Variants in LRP1B observed in about 807,000 individuals in gnomAD.
The protein encoded by LRP1B is LDL receptor related protein 1B.
LRP1B carries 217 observed loss-of-function variants against 556.6 expected under a neutral mutation model. The ratio of observed to expected loss-of-function variants is 0.39; its 90% CI spans 0.35 to 0.44. The LOEUF is 0.44. Ranked by LOEUF, LRP1B falls within the 20% of genes least tolerant of loss-of-function variation. LRP1B has a pLI of 1.00. For synonymous variants in LRP1B, 2,047 were observed against 1,865.8 expected (o/e 1.10, Z -2.50); for missense variants, 5,053 against 5,620.8 (o/e 0.90, Z 3.23).
At chr2:141,851,441 A>G (rs991098585) in intron 1 of LRP1B, among the ~76,000 whole-genome samples, 1 of 151,866 alleles carries the variant, frequency 6.6e-6, no homozygotes, top group African/African-American at 2.4e-5. Context: ...GTACTCAGGA[A>G]TATTTTTATT....
chr2:140,949,765 C>A lies in LRP1B; in HGVS notation c.3136+470G>T, dbSNP rs181505585. ...ACCATCCTGGCTAACATGGTGAAAC[C>A]CCGTCCCTACTAAAAATACAAAAAA... On this transcript the variant is annotated intron_variant, in intron 20 of 90. Coordinates refer to ENST00000389484, the MANE Select transcript of LRP1B (RefSeq NM_018557.3). 5.3e-3 allele frequency among the ~76,000 whole-genome samples: 800 copies of A among 150,978 alleles called. 8 individuals are homozygous for A. The highest frequency in any genetic ancestry group is 0.018 in the African/African-American group (753 of 41,304).
rs1353454981 is a variant in LRP1B at position 140,234,946 on chromosome 2, AC to A, written c.13561-63del. On this transcript the variant is annotated intron_variant, in intron 89 of 90. Coordinates refer to ENST00000389484, the MANE Select transcript of LRP1B (RefSeq NM_018557.3). Reference sequence around the variant, plus strand: ...TATTATAGAATCACTTTTCATCGATACATATCATGTTAATTCATAAAAATAA... The same window carrying A: ...TATTATAGAATCACTTTTCATCGATAATATCATGTTAATTCATAAAAATAA... 5.6e-6 allele frequency: 4 copies of A among 715,634 alleles called. No individual in the cohort carries two copies. In the African/African-American group the frequency reaches 7.1e-5, roughly 13 times the overall value. 44.3% of individuals were successfully genotyped at this position (715,634 alleles called of 1,614,324 possible).
intron 3 of LRP1B, among the ~76,000 whole-genome samples, chr2:141,377,052 GC>G (rs766463279): frequency 2.0e-5 from 3 of 152,080 alleles, no homozygotes; most frequent in Non-Finnish European, 4.4e-5. Context: ...AAAAAGGAAG[GC>G]GGGTGTTTCT....
intron 1 of LRP1B, among the ~76,000 whole-genome samples, chr2:142,096,850 G>A (rs1706389586): frequency 6.6e-6 from 1 of 151,440 alleles, no homozygotes; most frequent in Non-Finnish European, 1.5e-5. Context: ...GTACCTAATA[G>A]TTTTTTAACC....
intron 1 of LRP1B, among the ~76,000 whole-genome samples, chr2:142,022,300 A>G (rs1029455764): frequency 6.6e-6 from 1 of 152,094 alleles, no homozygotes; most frequent in Non-Finnish European, 1.5e-5. Context: ...CAACAGTGAA[A>G]TACTGTTTAA....
intron 2 of LRP1B, among the ~76,000 whole-genome samples, chr2:141,606,144 T>C (rs1687911274): frequency 6.6e-6 from 1 of 152,178 alleles, no homozygotes; most frequent in Non-Finnish European, 1.5e-5. Flanking sequence ...GAAATAAAAT[T>C]GGCCACATTA....
intron 81 of LRP1B, 50 bp downstream of exon 81, chr2:140,323,843 C>G (rs1906185): frequency 1.1e-6 from 1 of 920,428 alleles, no homozygotes; most frequent in South Asian, 2.1e-5. Flanking sequence ...TTGAGAGATA[C>G]AAGAAAATAA....
chr2:140,974,817 A>G (rs1696543335), intron 18 of LRP1B, among the ~76,000 whole-genome samples: 2 of 152,198 alleles, frequency 1.3e-5, no homozygotes. Flanking sequence ...GCACAAGTCA[A>G]CCTTCTGGAG....
At chr2:141,658,477 C>T (rs1040076622) in intron 2 of LRP1B, among the ~76,000 whole-genome samples, 1 of 152,168 alleles carries the variant, frequency 6.6e-6, no homozygotes, top group Non-Finnish European at 1.5e-5. Flanking sequence ...CCCTAAAAGG[C>T]AGCCCAGGTC....
chr2:141,533,477 A>G (rs1029066054), intron 2 of LRP1B, among the ~76,000 whole-genome samples: 3 of 152,208 alleles, frequency 2.0e-5, no homozygotes, highest in Non-Finnish European at 4.4e-5. Flanking sequence ...AGGTAAGTAT[A>G]CATTTATACA....
chr2:140,302,312 G>A (rs2105009822), intron 83 of LRP1B, among the ~76,000 whole-genome samples: 1 of 152,062 alleles, frequency 6.6e-6, no homozygotes, highest in Middle Eastern at 3.4e-3. Flanking sequence ...TTTACTCCTT[G>A]TATGTTTCCA....
At chr2:142,081,826 G>A (rs943461379) in intron 1 of LRP1B, among the ~76,000 whole-genome samples, 4 of 152,038 alleles carry the variant, frequency 2.6e-5, no homozygotes, top group African/African-American at 9.7e-5. Flanking sequence ...TGTAAGCATG[G>A]GGTTTTTGAA....
chr2:141,264,527 C>T (rs1006221558), intron 3 of LRP1B, among the ~76,000 whole-genome samples: 5 of 152,096 alleles, frequency 3.3e-5, no homozygotes, highest in African/African-American at 1.2e-4. Flanking sequence ...ACCATCTCCC[C>T]TCACTGCAAC....
intron 31 of LRP1B, among the ~76,000 whole-genome samples, chr2:140,837,778 C>A (rs1691959554): frequency 6.7e-6 from 1 of 148,604 alleles, no homozygotes; most frequent in South Asian, 2.1e-4. Flanking sequence ...CATCACACAC[C>A]ACCGGGGACT....
intron 1 of LRP1B, among the ~76,000 whole-genome samples, chr2:142,110,250 T>TACC (rs1182363096): frequency 5.3e-5 from 8 of 152,152 alleles, no homozygotes; most frequent in Non-Finnish European, 1.2e-4. Context: ...CTTTTCTCCA[T>TACC]ACCTGTTTAT....
chr2:140,804,314 T>G lies in LRP1B; in HGVS notation c.5359+9343A>C, dbSNP rs368436905. Among the ~76,000 whole-genome samples the G allele has an allele frequency of 3.9e-5, 6 of 152,244 alleles. No individual in the cohort carries two copies. In the East Asian group the frequency reaches 9.7e-4, roughly 25 times the overall value. ...CCCAGAACCTGTCATTTGCCATCATTTATAATGTTCCATAGATTCCATGAT... is the reference window on the plus strand; with the variant it reads ...CCCAGAACCTGTCATTTGCCATCATGTATAATGTTCCATAGATTCCATGAT... On this transcript the variant is annotated intron_variant, in intron 32 of 90. Coordinates refer to ENST00000389484, the MANE Select transcript of LRP1B (RefSeq NM_018557.3).
chr2:140,295,069 C>T (rs775874230), intron 84 of LRP1B, among the ~76,000 whole-genome samples: 44 of 151,480 alleles, frequency 2.9e-4, no homozygotes, highest in Non-Finnish European at 5.9e-4. Context: ...GTAGAGACGG[C>T]GTTTCACCGT....
intron 2 of LRP1B, among the ~76,000 whole-genome samples, chr2:141,645,719 A>T (rs1190994867): frequency 6.6e-6 from 1 of 151,910 alleles, no homozygotes; most frequent in Non-Finnish European, 1.5e-5. Context: ...GTCCTTAGAG[A>T]CTGGGTCTTA....
chr2:141,992,241 T>C (rs1702367855), intron 1 of LRP1B, among the ~76,000 whole-genome samples: 1 of 152,162 alleles, frequency 6.6e-6, no homozygotes, highest in African/African-American at 2.4e-5. Context: ...GGAGCATATC[T>C]ACGCATTTCT....
Sources: allele counts gnomAD v4.1 joint callset (sites outside exome capture counted in the v4.1 genomes callset), GRCh38; gene constraint gnomAD v4.1.1; transcripts MANE v1.5; gene names NCBI Gene and HGNC (gene_info 2026-07-23, HGNC 2026-07-21).